PCLO: variants seen among roughly 807,000 people sequenced by gnomAD.
The protein encoded by PCLO is protein piccolo.
PCLO carries 82 observed loss-of-function variants against 427.5 expected under a neutral mutation model. The ratio of observed to expected loss-of-function variants is 0.19; its 90% CI spans 0.16 to 0.23. The LOEUF is 0.23. PCLO is among the 10% of genes least tolerant of loss of function. PCLO has a pLI of 1.00. For synonymous variants in PCLO, 2,357 were observed against 2,155.4 expected, an observed-to-expected ratio of 1.09 and a Z score of -2.59; for missense variants, 6,239 against 6,115.9, an observed-to-expected ratio of 1.02 and a Z score of -0.67.
chr7:82,855,098 AT>A (rs761386481), intron 10 of PCLO, among the ~76,000 whole-genome samples: 6 of 152,160 alleles, frequency 3.9e-5, no homozygotes, highest in Non-Finnish European at 7.4e-5. Context: ...ACAAAAAAGT[AT>A]AATTGTAAAA....
rs370318109 is a variant in PCLO at position 82,845,339 on chromosome 7, T to C, written c.13978A>G (p.Ser4660Gly). The C allele has an allele frequency of 1.9e-6, 3 of 1,613,430 alleles. No individual in the cohort carries two copies. The highest frequency in any genetic ancestry group is 1.6e-4 in the Middle Eastern group (1 of 6,076). ...GGTTGCCCAGGGCTGGGAACGGAAC[T>C]GGATCCTGCTGATGTAGGACCTGAA... The part of the protein sequence containing the change: ...VHSGPTSAGS[S>G]SVPSPGQPGS... Residue 4660 changes from serine to glycine, a missense_variant, in exon 13 of 25, where the codon AGT (serine) becomes GGT (glycine). Physicochemically the swap from Ser to Gly is moderately conservative, Grantham distance 56. Around this residue, in one of 5 missense-constraint regions of PCLO, gnomAD observed 877 missense variants for 925.5 expected, o/e 0.95. Coordinates refer to ENST00000333891, the MANE Select transcript of PCLO (RefSeq NM_033026.6).
rs539509626 is a variant in PCLO at position 82,843,770 on chromosome 7, T to A, written c.14046+1501A>T. The stretch of plus-strand genomic sequence containing the variant: ...AACTCCGCCTCCCATATTCAAGTGA[T>A]TCTCCCACCTCAGCCTCCTGAGCAG... On this transcript the variant is annotated intron_variant, in intron 13 of 24. Transcript: ENST00000333891. Among the ~76,000 whole-genome samples the A allele has an allele frequency of 7.3e-5, 11 of 151,702 alleles. No homozygotes were observed. In the East Asian group the frequency reaches 1.8e-3, roughly 24 times the overall value.
At chr7:82,863,563 T>C (rs954168535) in intron 10 of PCLO, among the ~76,000 whole-genome samples, 5 of 151,990 alleles carry the variant, frequency 3.3e-5, no homozygotes, top group African/African-American at 1.2e-4. Context: ...CAATTTCAAA[T>C]GTTATCAATG....
intron 22 of PCLO, among the ~76,000 whole-genome samples, chr7:82,785,674 C>A (rs995632256): frequency 1.3e-5 from 2 of 151,840 alleles, no homozygotes; most frequent in African/African-American, 4.8e-5. Flanking sequence ...GGAGAGCGCC[C>A]ACAGATAGGT....
chr7:82,844,971 T>C (rs1245098639), intron 13 of PCLO, among the ~76,000 whole-genome samples: 3 of 152,156 alleles, frequency 2.0e-5, no homozygotes, highest in East Asian at 1.9e-4. Flanking sequence ...ATATTCTATA[T>C]ACGTATCTCA....
chr7:82,981,854 A>G (rs1296929930), intron 3 of PCLO, among the ~76,000 whole-genome samples: 1 of 152,164 alleles, frequency 6.6e-6, no homozygotes, highest in African/African-American at 2.4e-5. Flanking sequence ...ATTCTGAAGT[A>G]GAAGTTTATT....
intron 3 of PCLO, among the ~76,000 whole-genome samples, chr7:83,042,997 A>C (rs1375886231): frequency 6.6e-6 from 1 of 152,182 alleles, no homozygotes; most frequent in Non-Finnish European, 1.5e-5. Flanking sequence ...TGGGTTTCTC[A>C]AACTCAGCAC....
chr7:82,974,771 T>A (rs1795980093), intron 3 of PCLO, among the ~76,000 whole-genome samples: 1 of 152,090 alleles, frequency 6.6e-6, no homozygotes, highest in African/African-American at 2.4e-5. Flanking sequence ...TTTTGGTATA[T>A]CTTTTTATTT....
chr7:83,087,102 T>G (rs1790256447), intron 3 of PCLO, among the ~76,000 whole-genome samples: 1 of 148,626 alleles, frequency 6.7e-6, no homozygotes, highest in Non-Finnish European at 1.5e-5. Context: ...GGGAAAGCAT[T>G]AGGAGATATA....
chr7:83,077,973 G>A (rs770827407), intron 3 of PCLO, among the ~76,000 whole-genome samples: 13 of 152,008 alleles, frequency 8.6e-5, no homozygotes, highest in South Asian at 2.1e-4. Flanking sequence ...AGAAAAAGGC[G>A]GTTAGAGGTC....
intron 22 of PCLO, among the ~76,000 whole-genome samples, chr7:82,761,816 A>G (rs1240921694): frequency 6.6e-6 from 1 of 152,066 alleles, no homozygotes; most frequent in East Asian, 1.9e-4. Flanking sequence ...AGATGCTTAC[A>G]CCAAAGTATG....
intron 9 of PCLO, among the ~76,000 whole-genome samples, chr7:82,888,527 T>C (rs1793680492): frequency 6.6e-6 from 1 of 152,184 alleles, no homozygotes; most frequent in Non-Finnish European, 1.5e-5. Context: ...AACCTATTTA[T>C]TCAAACTTCT....
chr7:83,091,884 C>CA (rs2116441755), intron 3 of PCLO, among the ~76,000 whole-genome samples: 1 of 152,184 alleles, frequency 6.6e-6, no homozygotes, highest in South Asian at 2.1e-4. Context: ...AAATAAATCT[C>CA]AAAAAATCTG....
chr7:83,042,753 T>C (rs1277512138), intron 3 of PCLO, among the ~76,000 whole-genome samples: 3 of 152,026 alleles, frequency 2.0e-5, no homozygotes, highest in Non-Finnish European at 1.5e-5. Flanking sequence ...TCCCAACTAC[T>C]CGGGAGGCTG....
At chr7:82,989,290 T>C (rs1796323235) in intron 3 of PCLO, among the ~76,000 whole-genome samples, 1 of 152,020 alleles carries the variant, frequency 6.6e-6, no homozygotes, top group Non-Finnish European at 1.5e-5. Context: ...GTACTAAAAC[T>C]AAAAAAGAAA....
chr7:82,776,724 G>A (rs1397712986), intron 22 of PCLO, among the ~76,000 whole-genome samples: 1 of 152,136 alleles, frequency 6.6e-6, no homozygotes, highest in Admixed American at 6.5e-5. Context: ...GAACCCAGGA[G>A]GTGGAGGTTG....
rs1584144319 is a variant in PCLO, at chr7:82,914,994, G to A, written c.12992C>T (p.Ala4331Val). 6.2e-7 allele frequency: 1 copy of A among 1,613,654 alleles called. No individual in the cohort carries two copies. The highest frequency in any genetic ancestry group is 8.5e-7 in the Non-Finnish European group (1 of 1,179,706). Residue 4331 changes from alanine (A) to valine (V), a missense_variant, in exon 7 of 25, where the codon GCA (alanine) becomes GTA (valine). Physicochemically the swap from Ala to Val is moderately conservative, Grantham distance 64. Coordinates refer to ENST00000333891, the MANE Select transcript of PCLO (RefSeq NM_033026.6). ...CGGCTTAGTTCTGGCAGAGGATGAT[G>A]CATGACTAAAGGAAACATCTAGAGC... ...AEALDVSFSHASSSARTKPTS... is the reference protein window; with the variant it reads ...AEALDVSFSHVSSSARTKPTS...
At chr7:82,992,806 A>T (rs2115852462) in intron 3 of PCLO, among the ~76,000 whole-genome samples, 1 of 151,176 alleles carries the variant, frequency 6.6e-6, no homozygotes, top group African/African-American at 2.4e-5. Flanking sequence ...CAGATTACTG[A>T]CATTCATATT....
At chr7:82,996,155 T>C (rs1378127520) in intron 3 of PCLO, among the ~76,000 whole-genome samples, 2 of 151,866 alleles carry the variant, frequency 1.3e-5, no homozygotes, top group Non-Finnish European at 2.9e-5. Flanking sequence ...ATAAATATGA[T>C]CTGATTTTGC....
Sources: gnomAD v4.1 joint callset for allele counts (sites outside exome capture counted in the v4.1 genomes callset) on GRCh38, gnomAD v4.1.1 for gene constraint, gnomAD v4.1.1 regional missense constraint, MANE v1.5 for transcripts, NCBI Gene and HGNC (gene_info 2026-07-23, HGNC 2026-07-21) for gene names.